The following PLCB1 variants were observed in gnomAD, a reference collection of about 807,000 sequenced individuals.
PLCB1 encodes the protein 1-phosphatidylinositol 4,5-bisphosphate phosphodiesterase beta-1.
PLCB1 carries 46 observed loss-of-function variants against 161.8 expected under a neutral mutation model. The observed-to-expected ratio is 0.28, with a 90% confidence interval of 0.22 to 0.36. The LOEUF is 0.36. Ranked by LOEUF, PLCB1 falls within the 10% of genes least tolerant of loss-of-function variation. The pLI is 1.00. For missense variants in PLCB1, 1,016 were observed against 1,472.5 expected, an observed-to-expected ratio of 0.69 and a Z score of 5.07; for synonymous variants, 517 against 503.7, an observed-to-expected ratio of 1.03 and a Z score of -0.35.
intron 31 of PLCB1, among the ~76,000 whole-genome samples, chr20:8,796,099 G>A (rs1984014363): frequency 1.3e-5 from 2 of 152,114 alleles, no homozygotes; most frequent in Admixed American, 1.3e-4. Flanking sequence ...TGTCTTTGAT[G>A]CTTCTTAGAA....
intron 2 of PLCB1, among the ~76,000 whole-genome samples, chr20:8,288,725 A>G (rs1983242771): frequency 6.6e-6 from 1 of 152,138 alleles, no homozygotes; most frequent in Non-Finnish European, 1.5e-5. Flanking sequence ...GGATGGGTGC[A>G]ATGGCCCCGT....
At chr20:8,349,498 CT>C (rs1986110858) in intron 2 of PLCB1, among the ~76,000 whole-genome samples, 1 of 152,138 alleles carries the variant, frequency 6.6e-6, no homozygotes, top group African/African-American at 2.4e-5. Context: ...ATGAAGAGTC[CT>C]TACAGTTTGT....
At chr20:8,703,225 A>C (rs1978467526) in intron 11 of PLCB1, among the ~76,000 whole-genome samples, 1 of 152,236 alleles carries the variant, frequency 6.6e-6, no homozygotes, top group African/African-American at 2.4e-5. Flanking sequence ...GTTGTAAGTA[A>C]GCATTCAATA....
chr20:8,363,923 A>G (rs573043063), intron 2 of PLCB1, among the ~76,000 whole-genome samples: 1 of 152,290 alleles, frequency 6.6e-6, no homozygotes, highest in East Asian at 1.9e-4. Context: ...ATACATGCAA[A>G]TTTTGTTTTA....
chr20:8,846,065 C>G (rs139156911), intron 31 of PLCB1, among the ~76,000 whole-genome samples: 1 of 152,030 alleles, frequency 6.6e-6, no homozygotes, highest in East Asian at 1.9e-4. Flanking sequence ...CCTGAGAGTG[C>G]GTAATTAATA....
chr20:8,729,004 C>G, intron 17 of PLCB1, 46 bp from the exon 18 acceptor site: 1 of 1,364,380 alleles, frequency 7.3e-7, no homozygotes, highest in Non-Finnish European at 9.9e-7. Context: ...CTATTATTGA[C>G]TAAATATTTT....
chr20:8,464,082 G>A (rs760515101), intron 3 of PLCB1, among the ~76,000 whole-genome samples: 7 of 152,068 alleles, frequency 4.6e-5, no homozygotes, highest in South Asian at 2.1e-4. Flanking sequence ...TTCAGTTCCC[G>A]GTTGACAGTT....
intron 31 of PLCB1, among the ~76,000 whole-genome samples, chr20:8,864,932 T>C (rs1041466526): frequency 6.6e-5 from 10 of 152,238 alleles, no homozygotes. Flanking sequence ...CAGGATATGG[T>C]TATCTGATGG....
At chr20:8,736,321 T>C (rs1224203262) in intron 19 of PLCB1, among the ~76,000 whole-genome samples, 8 of 152,222 alleles carry the variant, frequency 5.3e-5, no homozygotes. Context: ...AAATCTCTTT[T>C]AAGTCTATAA....
intron 3 of PLCB1, among the ~76,000 whole-genome samples, chr20:8,481,950 ATTC>A (rs758061169): frequency 5.4e-4 from 82 of 152,186 alleles, no homozygotes; most frequent in Non-Finnish European, 8.8e-4. Flanking sequence ...AACTTTCAGG[ATTC>A]GAATAAAATA....
chr20:8,774,363 T>G (rs1234790738), intron 26 of PLCB1, among the ~76,000 whole-genome samples, 176 bp from the exon 27 acceptor site: 2 of 152,234 alleles, frequency 1.3e-5, no homozygotes, highest in African/African-American at 4.8e-5. Flanking sequence ...TCTCTGGGAT[T>G]GGAGACACTC....
intron 11 of PLCB1, among the ~76,000 whole-genome samples, chr20:8,708,333 G>A (rs963161341): frequency 6.6e-6 from 1 of 152,120 alleles, no homozygotes; most frequent in African/African-American, 2.4e-5. Context: ...GGATTTGTGG[G>A]TGAAAATTTT....
chr20:8,352,000 A>G lies in PLCB1; in HGVS notation c.178-19382A>G, dbSNP rs1986195949. On this transcript the variant is annotated intron_variant, in intron 2 of 31. Transcript: ENST00000338037. ...AATTGTGCTCCTAGGTATTTACCTA[A>G]CAGATTTGAATATTTATGTCCCACA... is the stretch of plus-strand genomic sequence containing the variant. 2.0e-5 allele frequency among the ~76,000 whole-genome samples: 3 copies of G among 152,236 alleles called. No homozygotes were observed. The South Asian group carries it at 6.2e-4, about 32-fold the overall frequency.
chr20:8,261,784 A>G (rs571356243), intron 2 of PLCB1, among the ~76,000 whole-genome samples: 1 of 152,314 alleles, frequency 6.6e-6, no homozygotes, highest in East Asian at 1.9e-4. Context: ...ACAAATGAAG[A>G]CAGAAAACTT....
At chr20:8,169,264 C>T (rs2051707864) in intron 2 of PLCB1, among the ~76,000 whole-genome samples, 1 of 151,984 alleles carries the variant, frequency 6.6e-6, no homozygotes, top group Non-Finnish European at 1.5e-5. Context: ...TGTAGGATAC[C>T]CTGTATCAGA....
intron 2 of PLCB1, among the ~76,000 whole-genome samples, chr20:8,200,883 TTTC>T (rs1204891434): frequency 6.6e-6 from 1 of 152,098 alleles, no homozygotes; most frequent in Middle Eastern, 3.2e-3. Flanking sequence ...GTAGAAGATA[TTTC>T]TTAACAGATT....
intron 3 of PLCB1, among the ~76,000 whole-genome samples, chr20:8,414,681 G>A (rs983786706): frequency 6.6e-6 from 1 of 152,126 alleles, no homozygotes; most frequent in Non-Finnish European, 1.5e-5. Flanking sequence ...TGCTAGAAAT[G>A]TTCTGTATCT....
intron 3 of PLCB1, among the ~76,000 whole-genome samples, chr20:8,576,862 C>T (rs1287967265): frequency 1.3e-5 from 2 of 152,170 alleles, no homozygotes; most frequent in African/African-American, 4.8e-5. Flanking sequence ...ATAATTCATA[C>T]ATTACCTACA....
chr20:8,461,970 G>A (rs1164682894), intron 3 of PLCB1, among the ~76,000 whole-genome samples: 1 of 151,718 alleles, frequency 6.6e-6, no homozygotes, highest in African/African-American at 2.4e-5. Flanking sequence ...TTATATAATG[G>A]ACATATTTTC....
Sources: gnomAD v4.1 joint callset for allele counts (sites outside exome capture counted in the v4.1 genomes callset) on GRCh38, gnomAD v4.1.1 for gene constraint, MANE v1.5 for transcripts, NCBI Gene and HGNC (gene_info 2026-07-23, HGNC 2026-07-21) for gene names.